Variants in TTLL11 observed in about 807,000 individuals in gnomAD.
TTLL11 encodes the protein tubulin polyglutamylase TTLL11.
Under a neutral mutation model 51.7 loss-of-function variants are expected in TTLL11, and 42 were observed. That is an observed-to-expected ratio of 0.81 (90% CI 0.64 to 1.05). The LOEUF (loss-of-function observed/expected upper bound fraction) is 1.05, where lower values mean the gene tolerates loss of function less well. Ranked by LOEUF, TTLL11 falls within the 50% of genes least tolerant of loss-of-function variation. The pLI, the probability that TTLL11 is intolerant of heterozygous loss-of-function variation, is 0.00. For synonymous variants in TTLL11, 381 were observed against 383.5 expected (o/e 0.99, Z 0.08); for missense variants, 799 against 940.4 (o/e 0.85, Z 1.97).
chr9:121,910,317 GA>G (rs1325935450), intron 6 of TTLL11, among the ~76,000 whole-genome samples: 1 of 152,188 alleles, frequency 6.6e-6, no homozygotes, highest in African/African-American at 2.4e-5. Flanking sequence ...AGGTACTTCT[GA>G]TATCATTTTG....
chr9:122,068,639 A>C (rs1233899727), intron 1 of TTLL11, among the ~76,000 whole-genome samples: 1 of 152,218 alleles, frequency 6.6e-6, no homozygotes, highest in African/African-American at 2.4e-5. Context: ...AGCTAGTAAG[A>C]AGCAGAGCCT....
At chr9:121,849,508 A>G (rs750383732) in intron 8 of TTLL11, among the ~76,000 whole-genome samples, 4 of 152,254 alleles carry the variant, frequency 2.6e-5, no homozygotes, top group Non-Finnish European at 5.9e-5. Context: ...TATATATCTG[A>G]TAAAGAACTT....
intron 3 of TTLL11, among the ~76,000 whole-genome samples, chr9:122,016,892 AT>A (rs1309029543): frequency 2.0e-5 from 3 of 152,150 alleles, no homozygotes; most frequent in Non-Finnish European, 2.9e-5. Flanking sequence ...ACTCTAAGGA[AT>A]TTTTTTATTG....
At chr9:122,071,934 T>A (rs1367630096) in intron 1 of TTLL11, among the ~76,000 whole-genome samples, 1 of 152,150 alleles carries the variant, frequency 6.6e-6, no homozygotes, top group Non-Finnish European at 1.5e-5. Flanking sequence ...GAAGCAATGC[T>A]CTCTGCCCTC....
At position 122,092,539 on chromosome 9, in the gene TTLL11, C is replaced by T. The variant is rs560705468; in HGVS notation, c.462+148G>A. ...TGGGGGGTAGGCCTTGAAGGATGAG[C>T]ACTTTGCGGCTGACAAGCAGGCCCG... On this transcript the variant is annotated intron_variant, in intron 1 of 8. Transcript: ENST00000321582. The T allele has an allele frequency of 2.9e-5, 41 of 1,430,982 alleles. No individual in the cohort carries two copies. In the East Asian group the frequency reaches 1.0e-3, roughly 36 times the overall value. 88.6% of individuals were successfully genotyped at this position (1,430,982 alleles called of 1,614,324 possible).
Position 122,092,882 on chromosome 9 carries a change from G to A in TTLL11, c.267C>T (p.Pro89=), listed in dbSNP as rs967834979. 1.3e-6 allele frequency: 2 copies of A among 1,569,154 alleles called. No homozygotes were observed. The highest frequency in any genetic ancestry group is 4.6e-5 in the East Asian group (2 of 43,110). Reference sequence around the variant, plus strand: ...CCTGCACCGGCTTCGGCTTGGACGGGGGCAGCGTGGGCGGCGGCCGCTGAA... The same window carrying A: ...CCTGCACCGGCTTCGGCTTGGACGGAGGCAGCGTGGGCGGCGGCCGCTGAA... ...QVLQRPPPTL[P]PSKPKPVQGL... The change falls in exon 1 of 9, where the codon CCC becomes CCT. Residue 89 remains proline, a synonymous_variant. Coordinates refer to ENST00000321582, the MANE Select transcript of TTLL11 (RefSeq NM_001139442.2).
At chr9:121,907,648 A>G (rs1333420830) in intron 6 of TTLL11, among the ~76,000 whole-genome samples, 1 of 152,186 alleles carries the variant, frequency 6.6e-6, no homozygotes, top group African/African-American at 2.4e-5. Context: ...CAACCCTGCT[A>G]TCTGCCATGT....
At chr9:122,072,870 A>G (rs1845763761) in intron 1 of TTLL11, among the ~76,000 whole-genome samples, 1 of 152,112 alleles carries the variant, frequency 6.6e-6, no homozygotes, top group Admixed American at 6.5e-5. Flanking sequence ...GGATAGTAAT[A>G]AGCAGAGAGG....
At position 121,853,546 on chromosome 9, in the gene TTLL11, G is replaced by A. The variant is rs889824972; in HGVS notation, c.1840+6791C>T. 3.3e-5 allele frequency among the ~76,000 whole-genome samples: 5 copies of A among 152,232 alleles called. No individual in the cohort carries two copies. Among genetic ancestry groups the A allele is most frequent in the Admixed American group, 2.0e-4 (3 of 15,298 alleles). On this transcript the variant is annotated intron_variant, in intron 8 of 8. Coordinates refer to ENST00000321582, the MANE Select transcript of TTLL11 (RefSeq NM_001139442.2). The surrounding 1 kb of genome is among the most constrained non-coding windows in gnomAD (Gnocchi z 5.6). ...ATGAGTGGGGATGCAGAGTGGACAG[G>A]GGTCCAGCTCTCAAGGCCCTGAAAT...
chr9:121,993,856 T>C (rs999125775), intron 3 of TTLL11, among the ~76,000 whole-genome samples: 1 of 152,112 alleles, frequency 6.6e-6, no homozygotes, highest in Non-Finnish European at 1.5e-5. Flanking sequence ...TCAAAACCAG[T>C]TAGGGCAGTC....
intron 3 of TTLL11, among the ~76,000 whole-genome samples, chr9:122,021,422 A>G (rs976756939): frequency 5.9e-5 from 9 of 152,182 alleles, no homozygotes; most frequent in African/African-American, 1.7e-4. Context: ...ACAGATCAGC[A>G]TGCACGTGAG....
In TTLL11 at chr9:122,093,189, GCCGCCGCCGCT is replaced by G. The variant is rs1846318109; in HGVS notation, c.-52_-42del. ...GGCCAGTGCCAGTGCCACCGCCGCC[GCCGCCGCCGCT>G]CCGCCGCCCCAGTCCGCCACCAAAC... On this transcript the variant is annotated 5_prime_UTR_variant, in exon 1 of 9. The change abolishes the stop of an existing upstream ORF in the 5' untranslated region. Transcript: ENST00000321582. 2 of 1,485,698 alleles carry G rather than the reference GCCGCCGCCGCT, an allele frequency of 1.3e-6. No individual in the cohort carries two copies. Among genetic ancestry groups the G allele is most frequent in the South Asian group, 1.3e-5 (1 of 78,882 alleles). 92.0% of individuals were successfully genotyped at this position (1,485,698 alleles called of 1,614,324 possible).
chr9:121,867,490 C>T (rs116957903), intron 7 of TTLL11, among the ~76,000 whole-genome samples: 76 of 152,242 alleles, frequency 5.0e-4, no homozygotes, highest in Non-Finnish European at 9.4e-4. Flanking sequence ...CCCCCTCTCT[C>T]GAATCTGCCC....
At chr9:121,974,845 G>C (rs748743535) in intron 5 of TTLL11, 39 bp downstream of exon 5, 1 of 1,431,080 alleles carries the variant, frequency 7.0e-7, no homozygotes, top group South Asian at 1.3e-5. Context: ...ATATTCAGCT[G>C]TATGGCAACA....
At chr9:121,934,031 A>G (rs372495820) in intron 6 of TTLL11, among the ~76,000 whole-genome samples, 1 of 152,174 alleles carries the variant, frequency 6.6e-6, no homozygotes, top group African/African-American at 2.4e-5. Context: ...GGAGTTTGAG[A>G]CCAGCCTAAC....
intron 1 of TTLL11, among the ~76,000 whole-genome samples, chr9:122,058,185 G>C (rs1035083026): frequency 1.3e-5 from 2 of 152,202 alleles, no homozygotes; most frequent in African/African-American, 4.8e-5. Context: ...AGGTTTCCTC[G>C]AGGCAGGAAC....
chr9:122,089,016 CAA>C (rs11432235), intron 1 of TTLL11, among the ~76,000 whole-genome samples: 27 of 91,932 alleles, frequency 2.9e-4, no homozygotes, highest in Admixed American at 5.0e-4. Context: ...CACCCTGTCT[CAA>C]AAAAAAAAAA....
chr9:121,993,230 C>T (rs1843164370), intron 3 of TTLL11, among the ~76,000 whole-genome samples: 1 of 152,166 alleles, frequency 6.6e-6, no homozygotes, highest in Admixed American at 6.5e-5. Context: ...TGTGAATGTA[C>T]TTAATGCCAC....
chr9:121,938,726 A>G (rs187364737), intron 6 of TTLL11, among the ~76,000 whole-genome samples: 2 of 152,342 alleles, frequency 1.3e-5, no homozygotes, highest in African/African-American at 4.8e-5. Flanking sequence ...AATGATCACA[A>G]GAATGCAAAT....
Sources: gnomAD v4.1 joint callset for allele counts (sites outside exome capture counted in the v4.1 genomes callset) on GRCh38, gnomAD v4.1.1 for gene constraint, Gnocchi (gnomAD v3.1) non-coding constraint, MANE v1.5 for transcripts, NCBI Gene and HGNC (gene_info 2026-07-23, HGNC 2026-07-21) for gene names.